Variants in SHC3 observed in about 807,000 individuals in gnomAD.
SHC3 encodes the protein SHC adaptor protein 3, also known as SHC-transforming protein 3.
A neutral mutation model predicts 60.4 loss-of-function variants in SHC3; 15 were observed. The ratio of observed to expected loss-of-function variants is 0.25; its 90% CI spans 0.17 to 0.38. The LOEUF (loss-of-function observed/expected upper bound fraction) is 0.38, where lower values mean the gene tolerates loss of function less well. Among genes scored for constraint, SHC3 ranks in the 10% least tolerant of loss-of-function variants. SHC3 has a pLI of 1.00. For synonymous variants in SHC3, 294 were observed against 325.9 expected (o/e 0.90, Z 1.05); for missense variants, 677 against 786.1 (o/e 0.86, Z 1.66).
chr9:89,120,245 T>C (rs749639504), intron 1 of SHC3, among the ~76,000 whole-genome samples: 7 of 152,176 alleles, frequency 4.6e-5, no homozygotes, highest in Non-Finnish European at 8.8e-5. Context: ...AATCAATAGT[T>C]TTTGTAAAAC....
chr9:89,019,555 AG>A (rs1826163992), intron 11 of SHC3, among the ~76,000 whole-genome samples: 2 of 152,252 alleles, frequency 1.3e-5, no homozygotes, highest in Non-Finnish European at 2.9e-5. Context: ...GATTATAGTA[AG>A]GTTGCAGGAC....
intron 2 of SHC3, chr9:89,109,956 T>A (rs1479250677): frequency 1.0e-6 from 1 of 985,338 alleles, no homozygotes; most frequent in African/African-American, 1.7e-5. Flanking sequence ...CCTTCATTTA[T>A]ACCTATGCCT....
intron 1 of SHC3, among the ~76,000 whole-genome samples, chr9:89,141,153 T>C (rs1392967562): frequency 6.6e-6 from 1 of 152,106 alleles, no homozygotes; most frequent in African/African-American, 2.4e-5. Context: ...AAGAACTCAT[T>C]CCCTAAGCAG....
intron 6 of SHC3, among the ~76,000 whole-genome samples, chr9:89,062,063 A>G (rs1825099067): frequency 6.6e-6 from 1 of 152,240 alleles, no homozygotes; most frequent in African/African-American, 2.4e-5. Context: ...ATTATAAAGT[A>G]TACGAATTAC....
At chr9:89,016,489 C>G (rs1454028879) in intron 11 of SHC3, among the ~76,000 whole-genome samples, 1 of 151,962 alleles carries the variant, frequency 6.6e-6, no homozygotes, top group Non-Finnish European at 1.5e-5. Flanking sequence ...AATAAACAAT[C>G]AGAATAGGCA....
intron 11 of SHC3, among the ~76,000 whole-genome samples, chr9:89,028,714 CTATA>C (rs1169545470): frequency 7.0e-6 from 1 of 142,162 alleles, no homozygotes; most frequent in African/African-American, 2.6e-5. Flanking sequence ...CTATATATAT[CTATA>C]TAGAGAATAT....
At chr9:89,158,412 G>T (rs1268134347) in intron 1 of SHC3, among the ~76,000 whole-genome samples, 1 of 151,888 alleles carries the variant, frequency 6.6e-6, no homozygotes, top group African/African-American at 2.4e-5. Context: ...TTTAAATTTG[G>T]TTAGATTTGT....
chr9:89,037,974 A>AC lies in SHC3; in HGVS notation c.1656+18dup. ...TGCACCCACTGGCAGGTCCGGCCCCACCCCCACTGGGTGCTCACCGTGCCT... is the reference window on the plus strand; with the variant it reads ...TGCACCCACTGGCAGGTCCGGCCCCACCCCCCACTGGGTGCTCACCGTGCCT... On this transcript the variant is annotated intron_variant, in intron 11 of 11. Transcript: ENST00000375835. 1 of 1,599,984 alleles carries AC rather than the reference A, an allele frequency of 6.3e-7. No individual in the cohort carries two copies. Among genetic ancestry groups the AC allele is most frequent in the South Asian group, 1.1e-5 (1 of 90,776 alleles).
chr9:89,062,676 C>T (rs1421403618), intron 6 of SHC3, among the ~76,000 whole-genome samples: 2 of 152,202 alleles, frequency 1.3e-5, no homozygotes, highest in African/African-American at 4.8e-5. Flanking sequence ...GGGGCTGTGC[C>T]TGCAGCCACA....
intron 4 of SHC3, among the ~76,000 whole-genome samples, chr9:89,072,727 AGCT>A (rs1334048332): frequency 1.3e-5 from 2 of 152,162 alleles, no homozygotes; most frequent in African/African-American, 2.4e-5. Flanking sequence ...GTGAGAACAG[AGCT>A]CATCTCTAAC....
intron 1 of SHC3, among the ~76,000 whole-genome samples, chr9:89,146,293 G>T: frequency 6.6e-6 from 1 of 151,848 alleles, no homozygotes; most frequent in East Asian, 1.9e-4. Context: ...GGAGGCGGAG[G>T]TTGCAGTAAG....
In SHC3 at chr9:89,073,379, G is replaced by A. The variant is rs548942554; in HGVS notation, c.729+1730C>T. 1.3e-3 allele frequency among the ~76,000 whole-genome samples: 197 copies of A among 152,338 alleles called. 1 individual carries two copies. The highest frequency in any genetic ancestry group is 4.4e-3 in the African/African-American group (184 of 41,568). The stretch of plus-strand genomic sequence containing the variant: ...TGACCTAAATCACGTGTTTTGCCCT[G>A]AGGGTGTTGCATCTCATTTCCACTA... On this transcript the variant is annotated intron_variant, in intron 4 of 11. Coordinates refer to ENST00000375835, the MANE Select transcript of SHC3 (RefSeq NM_016848.6).
chr9:89,063,490 G>C (rs1183978993), intron 6 of SHC3, among the ~76,000 whole-genome samples: 1 of 152,190 alleles, frequency 6.6e-6, no homozygotes, highest in Non-Finnish European at 1.5e-5. Context: ...CAGAGCACTG[G>C]ACACATCTAC....
chr9:89,089,285 G>A (rs1825582816), intron 2 of SHC3, among the ~76,000 whole-genome samples: 1 of 152,206 alleles, frequency 6.6e-6, no homozygotes, highest in Non-Finnish European at 1.5e-5. Flanking sequence ...GAGAAAGAAA[G>A]AGGAAACCTT....
chr9:89,153,050 T>C (rs1310520900), intron 1 of SHC3, among the ~76,000 whole-genome samples: 2 of 152,232 alleles, frequency 1.3e-5, no homozygotes, highest in African/African-American at 2.4e-5. Flanking sequence ...TGTTGATGTT[T>C]GCACTGGTGT....
chr9:89,027,834 T>C (rs1826346438), intron 11 of SHC3, among the ~76,000 whole-genome samples: 1 of 152,126 alleles, frequency 6.6e-6, no homozygotes, highest in Admixed American at 6.6e-5. Context: ...CTAGAATGCA[T>C]GGCAGGGGAG....
At chr9:89,064,049 T>C (rs975887268) in intron 6 of SHC3, among the ~76,000 whole-genome samples, 2 of 152,212 alleles carry the variant, frequency 1.3e-5, no homozygotes, top group Non-Finnish European at 2.9e-5. Context: ...TGCTGTGTCC[T>C]CACATGGGTG....
chr9:89,037,885 A>C, intron 11 of SHC3, 108 bp downstream of exon 11: 1 of 1,385,336 alleles, frequency 7.2e-7, no homozygotes. Context: ...CTCAGTAGGC[A>C]CTTGTGGATA....
At chr9:89,160,522 T>G (rs940095985) in intron 1 of SHC3, among the ~76,000 whole-genome samples, 2 of 152,198 alleles carry the variant, frequency 1.3e-5, no homozygotes, top group African/African-American at 4.8e-5. Flanking sequence ...GACGTGTAAT[T>G]GAGCTTTCAA....
Sources: allele counts gnomAD v4.1 joint callset (sites outside exome capture counted in the v4.1 genomes callset), GRCh38; gene constraint gnomAD v4.1.1; transcripts MANE v1.5; gene names NCBI Gene and HGNC (gene_info 2026-07-23, HGNC 2026-07-21).